Variants in TFCP2 observed in about 807,000 individuals in gnomAD.
TFCP2 encodes transcription factor CP2.
TFCP2 carries 33 observed loss-of-function variants against 73.4 expected under a neutral mutation model. That is an observed-to-expected ratio of 0.45 (90% CI 0.34 to 0.60). TFCP2 has a LOEUF of 0.60. Ranked by LOEUF, TFCP2 falls within the 20% of genes least tolerant of loss-of-function variation. The pLI is 0.01. For synonymous variants in TFCP2, 193 were observed against 211.6 expected (o/e 0.91, Z 0.76); for missense variants, 352 against 604.0 (o/e 0.58, Z 4.37).
intron 1 of TFCP2, among the ~76,000 whole-genome samples, chr12:51,156,045 C>CA (rs71712150): frequency 9.6e-5 from 14 of 146,546 alleles, no homozygotes; most frequent in African/African-American, 3.0e-4. Flanking sequence ...CTTTTTGTCT[C>CA]AAAAAAAAAA....
chr12:51,161,175 G>A (rs1025145706), intron 1 of TFCP2, among the ~76,000 whole-genome samples: 2 of 151,896 alleles, frequency 1.3e-5, no homozygotes. Flanking sequence ...TTCAGTGACC[G>A]CATGCAACCA....
In TFCP2 at chr12:51,095,978, CTTACTA is replaced by C. The variant is rs1248918426; in HGVS notation, c.1471+5_1471+10del. The C allele has an allele frequency of 5.0e-6, 8 of 1,611,052 alleles. No homozygotes were observed. In the African/African-American group the frequency reaches 1.1e-4, roughly 22 times the overall value. ...AAACTGCTTAGAGAAAGATGTTTGT[CTTACTA>C]TTACCTTTCATTGTGTCCAGAATAA... On this transcript the variant is annotated splice_donor_5th_base_variant and intron_variant, in intron 14 of 14. Coordinates refer to ENST00000257915, the MANE Select transcript of TFCP2 (RefSeq NM_005653.5).
chr12:51,107,606 ATTTC>A (rs1378436657), intron 6 of TFCP2, among the ~76,000 whole-genome samples: 1 of 151,890 alleles, frequency 6.6e-6, no homozygotes, highest in African/African-American at 2.4e-5. Context: ...GTCTCAAAAC[ATTTC>A]TTTCTTTTTT....
chr12:51,171,614 G>A (rs545417991), intron 1 of TFCP2, among the ~76,000 whole-genome samples: 145 of 152,210 alleles, frequency 9.5e-4, no homozygotes, highest in African/African-American at 3.2e-3. Flanking sequence ...CTGAGCTCAA[G>A]TGATCCGCCC....
intron 1 of TFCP2, among the ~76,000 whole-genome samples, chr12:51,150,172 CTT>C (rs1327813149): frequency 2.6e-5 from 4 of 152,136 alleles, no homozygotes; most frequent in Non-Finnish European, 5.9e-5. Context: ...AATCCCAGCA[CTT>C]TGAGAGGCCA....
intron 4 of TFCP2, among the ~76,000 whole-genome samples, chr12:51,111,242 C>G (rs1469285722): frequency 1.3e-5 from 2 of 151,972 alleles, no homozygotes; most frequent in Non-Finnish European, 2.9e-5. Context: ...CTCCTGGGTT[C>G]AAACGATCCT....
At chr12:51,156,317 T>G (rs1401107212) in intron 1 of TFCP2, among the ~76,000 whole-genome samples, 1 of 150,548 alleles carries the variant, frequency 6.6e-6, no homozygotes, top group African/African-American at 2.4e-5. Flanking sequence ...GAAGAGCAGG[T>G]ATGTCACATG....
chr12:51,161,324 TC>T (rs989207627), intron 1 of TFCP2, among the ~76,000 whole-genome samples: 1 of 151,266 alleles, frequency 6.6e-6, no homozygotes, highest in Admixed American at 6.6e-5. Flanking sequence ...AATGTCCACT[TC>T]CCAACAAAAA....
intron 1 of TFCP2, among the ~76,000 whole-genome samples, chr12:51,136,465 G>A (rs17125416): frequency 0.12 from 18,112 of 151,960 alleles, 1,436 homozygotes; most frequent in African/African-American, 0.23. Context: ...GATAATAAAG[G>A]AAGCAGTATT....
At chr12:51,152,373 A>G (rs1485898220) in intron 1 of TFCP2, among the ~76,000 whole-genome samples, 1 of 145,802 alleles carries the variant, frequency 6.9e-6, no homozygotes, top group Non-Finnish European at 1.5e-5. Context: ...TCCAGATTAA[A>G]GGAGATGAAA....
At chr12:51,132,116 A>G (rs1444535691) in intron 1 of TFCP2, among the ~76,000 whole-genome samples, 1 of 152,200 alleles carries the variant, frequency 6.6e-6, no homozygotes, top group Non-Finnish European at 1.5e-5. Context: ...AATGAAGTCT[A>G]AATAATCCAA....
chr12:51,165,217 T>C (rs145104937), intron 1 of TFCP2, among the ~76,000 whole-genome samples: 64 of 151,980 alleles, frequency 4.2e-4, no homozygotes, highest in African/African-American at 1.4e-3. Context: ...AAGAAAACTA[T>C]AAACCAATAT....
intron 1 of TFCP2, among the ~76,000 whole-genome samples, chr12:51,156,364 T>C (rs141975803): frequency 1.6e-3 from 241 of 151,848 alleles, no homozygotes; most frequent in African/African-American, 5.6e-3. Flanking sequence ...GGTGCCACAC[T>C]TAAACAACCA....
intron 6 of TFCP2, among the ~76,000 whole-genome samples, chr12:51,108,764 AAAAT>A (rs377488334): frequency 6.6e-6 from 1 of 152,064 alleles, no homozygotes. Flanking sequence ...CCCAGTCTCA[AAAAT>A]AAATAAATAA....
intron 1 of TFCP2, among the ~76,000 whole-genome samples, chr12:51,129,514 CA>C (rs5798159): frequency 1.7e-3 from 209 of 126,190 alleles, no homozygotes; most frequent in Non-Finnish European, 2.0e-3. Flanking sequence ...GACCCCGTCT[CA>C]AAAAAAAAAA....
chr12:51,120,865 G>C (rs1940648424), intron 1 of TFCP2, among the ~76,000 whole-genome samples: 1 of 143,102 alleles, frequency 7.0e-6, no homozygotes, highest in Non-Finnish European at 1.5e-5. Context: ...AGCCGAGATT[G>C]TGCCACTGCA....
chr12:51,150,353 G>A (rs923946181), intron 1 of TFCP2, among the ~76,000 whole-genome samples: 1 of 152,120 alleles, frequency 6.6e-6, no homozygotes, highest in African/African-American at 2.4e-5. Context: ...GGGAGGCGGA[G>A]GTTGCAGTGA....
intron 1 of TFCP2, chr12:51,124,616 C>G: frequency 1.9e-6 from 1 of 532,778 alleles, no homozygotes; most frequent in Middle Eastern, 2.9e-4. Context: ...GACTGCCCCG[C>G]CGGCAGGTAG....
In TFCP2 at chr12:51,146,927, A is replaced by C. The variant is rs111522590; in HGVS notation, c.122+25374T>G. Among the ~76,000 whole-genome samples, 974 of 152,350 alleles carry C rather than the reference A, an allele frequency of 6.4e-3. 7 individuals carry two copies. Among genetic ancestry groups the C allele is most frequent in the African/African-American group, 0.022 (912 of 41,584 alleles). ...ACCTGCATATGGGAGCATATGGTGA[A>C]GACAAAGCTACAGAATCAAGTTGTA... On this transcript the variant is annotated intron_variant, in intron 1 of 14. Coordinates refer to ENST00000257915, the MANE Select transcript of TFCP2 (RefSeq NM_005653.5).
Sources: gnomAD v4.1 joint callset for allele counts (sites outside exome capture counted in the v4.1 genomes callset) on GRCh38, gnomAD v4.1.1 for gene constraint, MANE v1.5 for transcripts, NCBI Gene and HGNC (gene_info 2026-07-23, HGNC 2026-07-21) for gene names.